UVSSA: variants seen among roughly 807,000 people sequenced by gnomAD.
The protein encoded by UVSSA is UV-stimulated scaffold protein A.
UVSSA carries 72 observed loss-of-function variants against 73.9 expected under a neutral mutation model. That is an observed-to-expected ratio of 0.97 (90% CI 0.81 to 1.19). The LOEUF is 1.19. UVSSA is among the 50% of genes most tolerant of loss of function. The pLI is 0.00. For synonymous variants in UVSSA, 454 were observed against 391.3 expected, an observed-to-expected ratio of 1.16 and a Z score of -1.89; for missense variants, 1,150 against 965.0, an observed-to-expected ratio of 1.19 and a Z score of -2.54.
chr4:1,374,114 GT>G (rs1259934518), intron 8 of UVSSA, among the ~76,000 whole-genome samples: 7 of 152,210 alleles, frequency 4.6e-5, no homozygotes, highest in Non-Finnish European at 1.0e-4. Flanking sequence ...TGCTCGGTCT[GT>G]TTTCTTCCAT....
At chr4:1,369,740 C>A (rs1403205508) in intron 8 of UVSSA, among the ~76,000 whole-genome samples, 4 of 152,270 alleles carry the variant, frequency 2.6e-5, no homozygotes, top group African/African-American at 9.6e-5. Flanking sequence ...GATTCCCTCC[C>A]TCACTGTCTG....
At position 1,354,772 on chromosome 4, in the gene UVSSA, T is replaced by G; in HGVS notation, c.972T>G (p.Ala324=). The G allele has an allele frequency of 6.2e-7, 1 of 1,613,544 alleles. No homozygotes were observed. ...LKVQENEDNL[A]LIHAARDTLK... ...TGCAGGAGAACGAGGACAACCTTGC[T>G]CTCATCCACGCCGCCCGCGACACAC... is the stretch of plus-strand genomic sequence containing the variant. Residue 324 remains alanine (A), a synonymous_variant, in exon 6 of 14, where the codon GCT becomes GCG. Transcript: ENST00000389851.
rs770339767 is a variant in UVSSA at position 1,355,213 on chromosome 4, G to A, written c.1144G>A (p.Asp382Asn). 1 of 1,613,152 alleles carries A rather than the reference G, an allele frequency of 6.2e-7. No individual in the cohort carries two copies. Among genetic ancestry groups the A allele is most frequent in the South Asian group, 1.1e-5 (1 of 90,878 alleles). The stretch of plus-strand genomic sequence containing the variant: ...CGTACTGAGAAAATACAAGGAGCTG[G>A]ACATCGAGCCTGAGGGAGGGGAAAG... ...ELVLRKYKEL[D>N]IEPEGGERRR... is the part of the protein sequence containing the mutation. The change falls in exon 7 of 14, where the codon GAC becomes AAC. Residue 382 changes from aspartate (D) to asparagine (N), a missense_variant. Physicochemically the swap from Asp to Asn is conservative, Grantham distance 23. Transcript: ENST00000389851.
chr4:1,394,371 C>T, exon 14 of UVSSA: 1 of 1,368,466 alleles, frequency 7.3e-7, no homozygotes, highest in African/African-American at 1.5e-5. Flanking sequence ...GAAATGTTTT[C>T]CATGTTTTCT....
rs1285805073 is a variant in UVSSA, at chr4:1,387,981, A to T, written c.*2020A>T. On this transcript the variant is annotated 3_prime_UTR_variant, in exon 14 of 14. Coordinates refer to ENST00000389851, the MANE Select transcript of UVSSA (RefSeq NM_020894.4). ...AAAAGCAGCTGAGATTTTTGATAGG[A>T]ATTACATTAAATCTAGAGATTGCTT... 1 of 150,550 alleles carries T rather than the reference A, an allele frequency of 6.6e-6. No homozygotes were observed. The highest frequency in any genetic ancestry group is 1.9e-4 in the East Asian group (1 of 5,170). The allele number at this position is 150,550 out of a possible 1,614,324, so 9.3% of individuals were successfully genotyped here. A position where few individuals can be genotyped will look rare whatever the true frequency, so the allele number is the denominator to read the frequency against.
chr4:1,395,349 G>C (rs199648929), exon 14 of UVSSA: 2 of 1,533,406 alleles, frequency 1.3e-6, no homozygotes, highest in East Asian at 4.9e-5. Flanking sequence ...TGGGGTGCCC[G>C]CCTGCTCACA....
intron 9 of UVSSA, 65 bp from the exon 10 acceptor site, chr4:1,375,969 G>A: frequency 6.5e-7 from 1 of 1,549,346 alleles, no homozygotes; most frequent in Non-Finnish European, 8.7e-7. Flanking sequence ...GGGTGGGGAG[G>A]GAGAGGAGGG....
At chr4:1,378,637 G>A (rs1719062730) in intron 10 of UVSSA, among the ~76,000 whole-genome samples, 1 of 152,164 alleles carries the variant, frequency 6.6e-6, no homozygotes, top group African/African-American at 2.4e-5. Context: ...TGGAGCCCGT[G>A]GTGTGGCTGC....
Position 1,353,070 on chromosome 4 carries a change from G to C in UVSSA, c.591G>C (p.Glu197Asp), listed in dbSNP as rs1242484197. 5.6e-6 allele frequency: 9 copies of C among 1,612,774 alleles called. No individual in the cohort carries two copies. The highest frequency in any genetic ancestry group is 7.6e-6 in the Non-Finnish European group (9 of 1,179,928). Residue 197 changes from glutamate (E) to aspartate (D), a missense_variant, in exon 5 of 14, where the codon GAG (glutamate) becomes GAC (aspartate). Physicochemically the swap from Glu to Asp is conservative, Grantham distance 45. Coordinates refer to ENST00000389851, the MANE Select transcript of UVSSA (RefSeq NM_020894.4). Reference sequence around the variant, plus strand: ...TTGAATCCTGCTTGACGGAGGTAGAGAGCTGCTTTAGGCTGCTGGTGCCTT... The same window carrying C: ...TTGAATCCTGCTTGACGGAGGTAGACAGCTGCTTTAGGCTGCTGGTGCCTT... ...GEIESCLTEV[E>D]SCFRLLVPFD...
In UVSSA at chr4:1,394,418, T is replaced by C; in HGVS notation, c.*8457T>C. 3 of 1,573,202 alleles carry C rather than the reference T, an allele frequency of 1.9e-6. No homozygotes were observed. In the South Asian group the frequency reaches 3.4e-5, roughly 18 times the overall value. On this transcript the variant is annotated 3_prime_UTR_variant, in exon 14 of 14. Transcript: ENST00000511216. The stretch of plus-strand genomic sequence containing the variant: ...TATGGGTTTCATTTTCATATTGAAA[T>C]CATTGATCTACTTCTAGTTTTTGAT...
chr4:1,372,528 G>C (rs1050007998), intron 8 of UVSSA, among the ~76,000 whole-genome samples: 1 of 152,072 alleles, frequency 6.6e-6, no homozygotes, highest in African/African-American at 2.4e-5. Flanking sequence ...AAATAACCTA[G>C]CACCCTCTCC....
rs562897525 is a variant in UVSSA at position 1,352,999 on chromosome 4, G to A, written c.551-31G>A. ...GGCTGGTGCTTTTGCTCCACATAGC[G>A]CAGCAAACAGGTGTCTTGATCTTCC... On this transcript the variant is annotated intron_variant, in intron 4 of 13. Transcript: ENST00000389851. 40 of 1,584,732 alleles carry A rather than the reference G, an allele frequency of 2.5e-5. No homozygotes were observed. The Middle Eastern group carries it at 5.1e-4, about 20-fold the overall frequency.
chr4:1,384,230 A>C, intron 13 of UVSSA: 3 of 452,810 alleles, frequency 6.6e-6, no homozygotes, highest in Non-Finnish European at 1.2e-5. Context: ...ATGCCAGGAC[A>C]CAGGCCTTGG....
rs779713360 is a variant in UVSSA at position 1,351,793 on chromosome 4, A to G, written c.508A>G (p.Ile170Val). ...EEEKQKHLDK[I>V]YQERASQAER... The stretch of plus-strand genomic sequence containing the variant: ...GGAGAAGCAGAAGCACTTGGATAAA[A>G]TTTATCAAGAAAGAGCCAGCCAGGC... Residue 170 changes from isoleucine to valine, a missense_variant, in exon 4 of 14, where the codon ATT becomes GTT. Physicochemically the swap from Ile to Val is conservative, Grantham distance 29. Transcript: ENST00000389851. The G allele has an allele frequency of 8.0e-5, 129 of 1,613,704 alleles. 1 individual carries two copies. In the Admixed American group the frequency reaches 2.0e-3, roughly 25 times the overall value.
At chr4:1,394,145 G>T in exon 14 of UVSSA, 1 of 394,732 alleles carries the variant, frequency 2.5e-6, no homozygotes, top group Non-Finnish European at 4.7e-6. Context: ...GGCCAGGGCA[G>T]CTCAGGTTCC....
chr4:1,380,601 A>AG, intron 11 of UVSSA: 1 of 1,476,622 alleles, frequency 6.8e-7, no homozygotes, highest in Non-Finnish European at 9.1e-7. Flanking sequence ...GGCATGGTGC[A>AG]GGGGGGTCGC....
chr4:1,395,515 C>T, exon 14 of UVSSA: 1 of 1,599,314 alleles, frequency 6.3e-7, no homozygotes, highest in East Asian at 2.3e-5. Context: ...TGCTCACACA[C>T]ATGCCGATGT....
At chr4:1,369,998 T>G (rs570419699) in intron 8 of UVSSA, among the ~76,000 whole-genome samples, 2 of 152,358 alleles carry the variant, frequency 1.3e-5, no homozygotes, top group South Asian at 2.1e-4. Flanking sequence ...GTCTGATTTT[T>G]GGGGTTTTGC....
chr4:1,363,201 C>G (rs1327343572), intron 7 of UVSSA, among the ~76,000 whole-genome samples: 1 of 152,090 alleles, frequency 6.6e-6, no homozygotes, highest in East Asian at 1.9e-4. Context: ...CTGCGGCTGC[C>G]TCAGAGGTGA....
Sources: allele counts gnomAD v4.1 joint callset (sites outside exome capture counted in the v4.1 genomes callset), GRCh38; gene constraint gnomAD v4.1.1; transcripts MANE v1.5; gene names NCBI Gene and HGNC (gene_info 2026-07-23, HGNC 2026-07-21).